Variants in KLHL32 observed in about 807,000 individuals in gnomAD.
The protein encoded by KLHL32 is kelch-like protein 32.
In KLHL32, 35 loss-of-function variants were observed where a neutral mutation model predicts 64.8. The ratio of observed to expected loss-of-function variants is 0.54; its 90% CI spans 0.41 to 0.72. The LOEUF (loss-of-function observed/expected upper bound fraction) is 0.72, where lower values mean the gene tolerates loss of function less well. Among genes scored for constraint, KLHL32 ranks in the 30% least tolerant of loss-of-function variants. The pLI is 0.00. For synonymous variants in KLHL32, 259 were observed against 281.0 expected (o/e 0.92, Z 0.78); for missense variants, 589 against 768.5 (o/e 0.77, Z 2.76).
At chr6:96,972,601 G>T (rs1342675421) in intron 2 of KLHL32, among the ~76,000 whole-genome samples, 1 of 152,138 alleles carries the variant, frequency 6.6e-6, no homozygotes, top group Non-Finnish European at 1.5e-5. Flanking sequence ...TCCAGTTTTA[G>T]GATGACACTC....
chr6:97,021,007 G>A (rs1781910636), intron 3 of KLHL32, among the ~76,000 whole-genome samples: 1 of 150,660 alleles, frequency 6.6e-6, no homozygotes. Flanking sequence ...ATTCCTATAT[G>A]ATAATGTATT....
intron 3 of KLHL32, among the ~76,000 whole-genome samples, chr6:96,978,648 A>T (rs1427746217): frequency 2.6e-5 from 4 of 152,162 alleles, no homozygotes; most frequent in African/African-American, 7.2e-5. Context: ...GTAATACTTT[A>T]GGTCTATACC....
chr6:97,033,690 T>C (rs6929151), intron 3 of KLHL32, among the ~76,000 whole-genome samples: 12,442 of 152,046 alleles, frequency 0.082, 1,068 homozygotes, highest in Admixed American at 0.22. Context: ...CCAACACTTA[T>C]CTTCTGTCTT....
chr6:97,115,292 A>C (rs991069576), intron 7 of KLHL32, among the ~76,000 whole-genome samples: 1 of 152,252 alleles, frequency 6.6e-6, no homozygotes, highest in African/African-American at 2.4e-5. Flanking sequence ...TTGGGATTGC[A>C]GGCGTGAGCC....
chr6:97,050,028 G>A (rs1786607593), intron 4 of KLHL32, among the ~76,000 whole-genome samples: 1 of 152,114 alleles, frequency 6.6e-6, no homozygotes. Flanking sequence ...AAATTTCTCT[G>A]TGCTATCCAG....
At chr6:96,930,197 G>A (rs1290765227) in intron 1 of KLHL32, among the ~76,000 whole-genome samples, 1 of 152,148 alleles carries the variant, frequency 6.6e-6, no homozygotes, top group Non-Finnish European at 1.5e-5. Context: ...GAGCAGTGGA[G>A]GAGGCATTTT....
chr6:96,924,494 G>C (rs1242879156), upstream of KLHL32: 1 of 150,068 alleles, frequency 6.7e-6, no homozygotes, highest in Non-Finnish European at 1.5e-5. Flanking sequence ...GGGCGGCAGG[G>C]GAGCGAGCGC....
intron 2 of KLHL32, among the ~76,000 whole-genome samples, 158 bp from the exon 3 acceptor site, chr6:96,975,839 A>C (rs563449651): frequency 1.1e-4 from 17 of 152,280 alleles, no homozygotes; most frequent in African/African-American, 3.4e-4. Flanking sequence ...GGAGAACAAG[A>C]GAATGGTGGA....
chr6:96,935,852 T>C (rs1770531426), intron 1 of KLHL32, among the ~76,000 whole-genome samples: 1 of 152,240 alleles, frequency 6.6e-6, no homozygotes, highest in South Asian at 2.1e-4. Flanking sequence ...TATGCAATAA[T>C]ATGACCTTTT....
At chr6:97,130,404 T>C (rs1456632865) in intron 8 of KLHL32, among the ~76,000 whole-genome samples, 1 of 152,204 alleles carries the variant, frequency 6.6e-6, no homozygotes, top group Non-Finnish European at 1.5e-5. Flanking sequence ...TACCTAGCCA[T>C]GTGCTTTCAC....
intron 5 of KLHL32, among the ~76,000 whole-genome samples, chr6:97,083,042 G>T (rs927872771): frequency 6.6e-6 from 1 of 152,148 alleles, no homozygotes; most frequent in African/African-American, 2.4e-5. Context: ...TATGGTAAGT[G>T]CTTTTCATAC....
intron 2 of KLHL32, among the ~76,000 whole-genome samples, chr6:96,970,712 C>A (rs557811380): frequency 2.2e-4 from 34 of 152,240 alleles, no homozygotes; most frequent in African/African-American, 7.0e-4. Flanking sequence ...TAATTAAGTT[C>A]CTTTCTACAG....
At chr6:96,953,026 C>G (rs1227673092) in intron 1 of KLHL32, among the ~76,000 whole-genome samples, 1 of 152,170 alleles carries the variant, frequency 6.6e-6, no homozygotes, top group Non-Finnish European at 1.5e-5. Flanking sequence ...ACCCTAGCCT[C>G]TGAGTTCCTG....
intron 1 of KLHL32, among the ~76,000 whole-genome samples, chr6:96,934,138 A>G (rs566559771): frequency 2.6e-5 from 4 of 152,330 alleles, no homozygotes; most frequent in East Asian, 3.9e-4. Context: ...AGAAAATCAT[A>G]TATTTACCAC....
intron 6 of KLHL32, among the ~76,000 whole-genome samples, chr6:97,088,588 AT>A (rs1793773046): frequency 6.6e-6 from 1 of 152,224 alleles, no homozygotes; most frequent in Admixed American, 6.5e-5. Flanking sequence ...CAGTTAGAAA[AT>A]AAACAAGTTC....
intron 7 of KLHL32, among the ~76,000 whole-genome samples, chr6:97,125,638 G>T (rs1386099469): frequency 6.6e-6 from 1 of 152,112 alleles, no homozygotes; most frequent in Non-Finnish European, 1.5e-5. Context: ...TGACAATTTT[G>T]GTCTCTGTGA....
At position 97,130,837 on chromosome 6, in the gene KLHL32, T is replaced by C. The variant is rs750347441; in HGVS notation, c.1494T>C (p.Val498=). The C allele has an allele frequency of 6.2e-7, 1 of 1,614,120 alleles. No individual in the cohort carries two copies. The highest frequency in any genetic ancestry group is 2.2e-5 in the East Asian group (1 of 44,868). The change falls in exon 9 of 11, where the codon GTT becomes GTC. Residue 498 remains valine, a synonymous_variant. Transcript: ENST00000369261. ...SMAAVQRKLY[V]LGGNDLDYNN... is the part of the protein sequence containing the mutation. Reference sequence around the variant, plus strand: ...CTGCTGTACAAAGGAAGCTTTATGTTCTTGGAGGCAATGACCTAGACTACA... The same window carrying C: ...CTGCTGTACAAAGGAAGCTTTATGTCCTTGGAGGCAATGACCTAGACTACA...
At chr6:96,988,667 C>T (rs1421723521) in intron 3 of KLHL32, among the ~76,000 whole-genome samples, 2 of 152,130 alleles carry the variant, frequency 1.3e-5, no homozygotes, top group Non-Finnish European at 2.9e-5. Context: ...ATGTTTATTG[C>T]AGCACTATTC....
intron 3 of KLHL32, among the ~76,000 whole-genome samples, chr6:96,991,525 C>G (rs1777876714): frequency 6.6e-6 from 1 of 152,136 alleles, no homozygotes; most frequent in East Asian, 1.9e-4. Context: ...AAACACAGAG[C>G]TGCCACCAAC....
Sources: gnomAD v4.1 joint callset for allele counts (sites outside exome capture counted in the v4.1 genomes callset) on GRCh38, gnomAD v4.1.1 for gene constraint, MANE v1.5 for transcripts, NCBI Gene and HGNC (gene_info 2026-07-23, HGNC 2026-07-21) for gene names.